The following LRIG2 variants were observed in gnomAD, a reference collection of about 807,000 sequenced individuals.
The protein encoded by LRIG2 is leucine rich repeats and immunoglobulin like domains 2.
LRIG2 carries 93 observed loss-of-function variants against 107.8 expected under a neutral mutation model. The ratio of observed to expected loss-of-function variants is 0.86; its 90% confidence interval spans 0.73 to 1.03. The LOEUF is 1.03. LRIG2 is among the 50% of genes least tolerant of loss of function. LRIG2 has a pLI of 0.00. For missense variants in LRIG2, 1,226 were observed against 1,296.0 expected (o/e 0.95, Z 0.83); for synonymous variants, 471 against 470.6 (o/e 1.00, Z -0.01).
At position 113,115,817 on chromosome 1, in the gene LRIG2, C is replaced by T. The variant is rs553607476; in HGVS notation, c.2531-470C>T. 7.2e-5 allele frequency among the ~76,000 whole-genome samples: 11 copies of T among 152,202 alleles called. No homozygotes were observed. The East Asian group carries it at 1.5e-3, about 21-fold the overall frequency. On this transcript the variant is annotated intron_variant, in intron 15 of 17. Transcript: ENST00000361127. Reference sequence around the variant, plus strand: ...CTGGGATTACAAGCGTGAGCCACCACGCCCGGCCAAACTTTACTTCTAAAA... The same window carrying T: ...CTGGGATTACAAGCGTGAGCCACCATGCCCGGCCAAACTTTACTTCTAAAA...
chr1:113,118,351 C>CTTGTCAGGCAGGACTTCTCA (rs1557920502), intron 16 of LRIG2, among the ~76,000 whole-genome samples: 1 of 152,222 alleles, frequency 6.6e-6, no homozygotes, highest in Non-Finnish European at 1.5e-5. Context: ...CAACCATGTA[C>CTTGTCAGGCAGGACTTCTCA]TTGTCAGGCA....
rs975609338 is a variant in LRIG2 at position 113,129,278 on chromosome 1, T to C, written c.*5177T>C. ...GTGAGCCGAGATTGCACCACTGCAC[T>C]CCAGCCTGGTGACAGAGTGAGACTC... On this transcript the variant is annotated 3_prime_UTR_variant, in exon 18 of 18. Transcript: ENST00000361127. 2.4e-5 allele frequency: 3 copies of C among 122,738 alleles called. No individual in the cohort carries two copies. The Admixed American group carries it at 3.3e-4, about 14-fold the overall frequency. 7.6% of individuals were successfully genotyped at this position (122,738 alleles called of 1,614,324 possible).
rs1043069337 is a variant in LRIG2 at position 113,126,037 on chromosome 1, A to G, written c.*1936A>G. On this transcript the variant is annotated 3_prime_UTR_variant, in exon 18 of 18. Transcript: ENST00000361127. ...ATGATGAACTCTTCCTACTATCACA[A>G]TCAGGACTATGACTGGATTTCTCAG... is the stretch of plus-strand genomic sequence containing the variant. The G allele has an allele frequency of 2.6e-5, 4 of 152,148 alleles. No individual in the cohort carries two copies. Among genetic ancestry groups the G allele is most frequent in the African/African-American group, 9.7e-5 (4 of 41,422 alleles). The allele number at this position is 152,148 out of a possible 1,614,324, so 9.4% of individuals were successfully genotyped here. A position where few individuals can be genotyped will look rare whatever the true frequency, so the allele number is the denominator to read the frequency against.
intron 1 of LRIG2, among the ~76,000 whole-genome samples, chr1:113,074,312 C>T (rs1652857158): frequency 6.6e-6 from 1 of 152,098 alleles, no homozygotes; most frequent in African/African-American, 2.4e-5. Context: ...TTGTTTTCAG[C>T]GCATCTTCTT....
intron 17 of LRIG2, among the ~76,000 whole-genome samples, chr1:113,122,383 A>G (rs1488025084): frequency 6.6e-6 from 1 of 152,104 alleles, no homozygotes; most frequent in Non-Finnish European, 1.5e-5. Flanking sequence ...CACTGCACCC[A>G]GCCTCTATTG....
intron 17 of LRIG2, among the ~76,000 whole-genome samples, chr1:113,123,170 G>C (rs1655333043): frequency 6.6e-6 from 1 of 152,206 alleles, no homozygotes; most frequent in Non-Finnish European, 1.5e-5. Flanking sequence ...CATATTTAAA[G>C]ATATAATGGC....
rs771925376 is a variant in LRIG2, at chr1:113,096,229, T to C, written c.955T>C (p.Ser319Pro). Reference sequence around the variant, plus strand: ...CACATTTCTTGTTTTCAGTGATTTGTCCTATAACCAGCTGACCCGCCTGGA... The same window carrying C: ...CACATTTCTTGTTTTCAGTGATTTGCCCTATAACCAGCTGACCCGCCTGGA... ...FCQRLSELDLSYNQLTRLDES... is the reference protein window; with the variant it reads ...FCQRLSELDLPYNQLTRLDES... The change falls in exon 8 of 18, where the codon TCC becomes CCC. Residue 319 changes from serine to proline, a missense_variant. Coordinates refer to ENST00000361127, the MANE Select transcript of LRIG2 (RefSeq NM_014813.3). 3.1e-6 allele frequency: 5 copies of C among 1,613,322 alleles called. No individual in the cohort carries two copies. In the East Asian group the frequency reaches 1.1e-4, roughly 36 times the overall value.
Position 113,096,012 on chromosome 1 carries a change from C to G in LRIG2, c.942C>G (p.Ser314=), listed in dbSNP as rs772910591. Residue 314 remains serine, a synonymous_variant, in exon 7 of 18, where the codon TCC becomes TCG. Transcript: ENST00000361127. The part of the protein sequence containing the change: ...PDAWEFCQRL[S]ELDLSYNQLT... ...CATGGGAGTTCTGCCAAAGACTATC[C>G]GAACTGTAAGTGTTGGATAGCATTT... 1 of 1,614,094 alleles carries G rather than the reference C, an allele frequency of 6.2e-7. No individual in the cohort carries two copies. The highest frequency in any genetic ancestry group is 1.1e-5 in the South Asian group (1 of 91,078).
At chr1:113,098,914 G>A (rs1460524546) in intron 9 of LRIG2, 129 bp downstream of exon 9, 1 of 625,820 alleles carries the variant, frequency 1.6e-6, no homozygotes, top group Admixed American at 2.8e-5. Flanking sequence ...GGAGCTCTGT[G>A]GGGTTTCTTT....
chr1:113,073,607 G>T lies in LRIG2; in HGVS notation c.201G>T (p.Arg67Ser). The part of the protein sequence containing the change: ...SRRKLPAPSW[R>S]ALSGLLPPDT... ...GGAAATTGCCCGCACCGAGCTGGAGGGCGCTGTCGGGCTTGCTGCCCCCCG... is the reference window on the plus strand; with the variant it reads ...GGAAATTGCCCGCACCGAGCTGGAGTGCGCTGTCGGGCTTGCTGCCCCCCG... Residue 67 changes from arginine to serine, a missense_variant, in exon 1 of 18, where the codon AGG becomes AGT. Transcript: ENST00000361127. 3 of 1,613,564 alleles carry T rather than the reference G, an allele frequency of 1.9e-6. No homozygotes were observed. The highest frequency in any genetic ancestry group is 2.5e-6 in the Non-Finnish European group (3 of 1,179,998).
At chr1:113,100,154 A>G in intron 9 of LRIG2, 57 bp from the exon 10 acceptor site, 1 of 1,044,856 alleles carries the variant, frequency 9.6e-7, no homozygotes. Flanking sequence ...TAAATGTTTA[A>G]TGAATTTAAT....
chr1:113,108,974 T>C (rs1235903606), intron 12 of LRIG2, among the ~76,000 whole-genome samples: 1 of 152,254 alleles, frequency 6.6e-6, no homozygotes, highest in Non-Finnish European at 1.5e-5. Flanking sequence ...ATATCCCTAG[T>C]ATCTCTGATC....
chr1:113,109,663 C>T lies in LRIG2; in HGVS notation c.1478-579C>T, dbSNP rs549818798. On this transcript the variant is annotated intron_variant, in intron 12 of 17. Coordinates refer to ENST00000361127, the MANE Select transcript of LRIG2 (RefSeq NM_014813.3). ...CTTCTCAAGTAGCTGGGATTACAGGCGGCCGCCACCTCGCCTGGGTAATTT... is the reference window on the plus strand; with the variant it reads ...CTTCTCAAGTAGCTGGGATTACAGGTGGCCGCCACCTCGCCTGGGTAATTT... Among the ~76,000 whole-genome samples, 10 of 152,186 alleles carry T rather than the reference C, an allele frequency of 6.6e-5. No homozygotes were observed. The South Asian group carries it at 1.0e-3, about 16-fold the overall frequency.
chr1:113,122,002 A>T (rs967297025), intron 17 of LRIG2, among the ~76,000 whole-genome samples: 1 of 150,504 alleles, frequency 6.6e-6, no homozygotes, highest in African/African-American at 2.5e-5. Flanking sequence ...TTTTGCATTT[A>T]CTACTTCATG....
intron 1 of LRIG2, among the ~76,000 whole-genome samples, chr1:113,074,065 C>T (rs1011046244): frequency 6.6e-6 from 1 of 152,032 alleles, no homozygotes; most frequent in Non-Finnish European, 1.5e-5. Flanking sequence ...ACTTAGTGGT[C>T]CTCAGGCACG....
In LRIG2 at chr1:113,096,302, G is replaced by T. The variant is rs1162478059; in HGVS notation, c.1028G>T (p.Gly343Val). Residue 343 changes from glycine (G) to valine (V), a missense_variant, in exon 8 of 18, where the codon GGA becomes GTA. Gly to Val is a moderately radical substitution (Grantham distance 109). Transcript: ENST00000361127. Reference sequence around the variant, plus strand: ...AGCTTATTGGAGAGATTGAATTTAGGAGACAACAGAGTCACTCATATTGCT... The same window carrying T: ...AGCTTATTGGAGAGATTGAATTTAGTAGACAACAGAGTCACTCATATTGCT... ...GLSLLERLNL[G>V]DNRVTHIADG... 1.2e-6 allele frequency: 2 copies of T among 1,614,006 alleles called. No homozygotes were observed. Among genetic ancestry groups the T allele is most frequent in the Non-Finnish European group, 1.7e-6 (2 of 1,180,004 alleles).
intron 17 of LRIG2, among the ~76,000 whole-genome samples, chr1:113,122,168 C>T (rs546410861): frequency 1.0e-3 from 151 of 151,108 alleles, no homozygotes; most frequent in Middle Eastern, 6.8e-3. Flanking sequence ...CTGCAACCTC[C>T]GCTTTCCGGG....
In LRIG2 at chr1:113,112,522, C is replaced by T. The variant is rs1374463815; in HGVS notation, c.1842C>T (p.Arg614=). The change falls in exon 14 of 18, where the codon CGC becomes CGT. Residue 614 remains arginine (R), a synonymous_variant. Transcript: ENST00000361127. The stretch of plus-strand genomic sequence containing the variant: ...AAACGCCAATGGATCTGACTATTCG[C>T]ACTGGTGCCATGGCCAGATTAGAAT... ...FLKTPMDLTI[R]TGAMARLECA... 6.2e-7 allele frequency: 1 copy of T among 1,613,350 alleles called. No homozygotes were observed. Among genetic ancestry groups the T allele is most frequent in the Non-Finnish European group, 8.5e-7 (1 of 1,179,384 alleles).
Position 113,119,137 on chromosome 1 carries a change from C to T in LRIG2, c.2681-96C>T, listed in dbSNP as rs1655134931. ...TTATAAAGTAAGTGCTCAATACATG[C>T]TAGCAATGATGATGACAACTTTTGA... On this transcript the variant is annotated intron_variant, in intron 16 of 17. Coordinates refer to ENST00000361127, the MANE Select transcript of LRIG2 (RefSeq NM_014813.3). 7 of 1,144,168 alleles carry T rather than the reference C, an allele frequency of 6.1e-6. No individual in the cohort carries two copies. The South Asian group carries it at 7.2e-5, about 12-fold the overall frequency. The allele number at this position is 1,144,168 out of a possible 1,614,324, so 70.9% of individuals were successfully genotyped here.
Sources: gnomAD v4.1 joint callset for allele counts (sites outside exome capture counted in the v4.1 genomes callset) on GRCh38, gnomAD v4.1.1 for gene constraint, MANE v1.5 for transcripts, NCBI Gene and HGNC (gene_info 2026-07-23, HGNC 2026-07-21) for gene names.